Variants in TENM2 observed in about 807,000 individuals in gnomAD.
TENM2 encodes the protein teneurin-2.
A neutral mutation model predicts 245.2 loss-of-function variants in TENM2; 52 were observed. The observed-to-expected ratio is 0.21, with a 90% CI of 0.17 to 0.27. The LOEUF (loss-of-function observed/expected upper bound fraction) is 0.27. Among genes scored for constraint, TENM2 ranks in the 10% least tolerant of loss-of-function variants. The pLI is 1.00. For synonymous variants in TENM2, 1,363 were observed against 1,438.9 expected (o/e 0.95, Z 1.19); for missense variants, 3,046 against 3,666.8 (o/e 0.83, Z 4.37).
At chr5:167,785,830 T>A (rs769286995) in intron 2 of TENM2, among the ~76,000 whole-genome samples, 5 of 152,202 alleles carry the variant, frequency 3.3e-5, no homozygotes, top group Admixed American at 6.5e-5. Flanking sequence ...ACAAGTACCA[T>A]GTAGGTTGGT....
chr5:168,095,540 G>A (rs890209564), intron 8 of TENM2, among the ~76,000 whole-genome samples: 2 of 152,058 alleles, frequency 1.3e-5, no homozygotes, highest in African/African-American at 2.4e-5. Flanking sequence ...ATCTTATTCT[G>A]TTCAAAGCAC....
chr5:167,279,807 T>G (rs1286092636), upstream of TENM2, among the ~76,000 whole-genome samples: 1 of 152,162 alleles, frequency 6.6e-6, no homozygotes, highest in East Asian at 1.9e-4. Context: ...TCCATTTGTT[T>G]CAAGTGTGCC....
At chr5:167,689,863 C>A (rs773464777) in intron 2 of TENM2, among the ~76,000 whole-genome samples, 1 of 152,070 alleles carries the variant, frequency 6.6e-6, no homozygotes, top group Non-Finnish European at 1.5e-5. Context: ...TGGGTTCAAG[C>A]GATTCTCCTG....
At chr5:167,025,358 A>C in the TENM2 span, among the ~76,000 whole-genome samples, 1 of 152,206 alleles carries the variant, frequency 6.6e-6, no homozygotes, top group Non-Finnish European at 1.5e-5. Flanking sequence ...TATTTGATAT[A>C]CATTTGGAGT....
At chr5:168,199,836 G>T (rs757279829) in intron 16 of TENM2, 28 bp from the exon 19 acceptor site, 8 of 1,606,526 alleles carry the variant, frequency 5.0e-6, no homozygotes, top group Non-Finnish European at 6.8e-6. Flanking sequence ...TGTTTTAGGT[G>T]TGTGTCTGCC....
the TENM2 span, among the ~76,000 whole-genome samples, chr5:167,062,449 G>A: frequency 6.6e-6 from 1 of 151,418 alleles, no homozygotes; most frequent in South Asian, 2.1e-4. Flanking sequence ...AAAGAACTCA[G>A]GTTGGATTTT....
chr5:168,159,694 G>A lies in TENM2; in HGVS notation c.2423-2917G>A, dbSNP rs113150262. 1.3e-4 allele frequency among the ~76,000 whole-genome samples: 20 copies of A among 152,258 alleles called. 1 individual carries two copies. Among genetic ancestry groups the A allele is most frequent in the African/African-American group, 2.2e-4 (9 of 41,554 alleles). On this transcript the variant is annotated intron_variant, in intron 12 of 28. Transcript: ENST00000518659. The stretch of plus-strand genomic sequence containing the variant: ...TCAAGCTAAAAGCAAAGTCCTGTCC[G>A]TTAATTACCAGCTGCCCTGAAACTT...
At chr5:167,166,090 C>T in the TENM2 span, among the ~76,000 whole-genome samples, 5 of 152,094 alleles carry the variant, frequency 3.3e-5, no homozygotes, top group Admixed American at 3.3e-4. Flanking sequence ...ATAGGGAAAG[C>T]TTTTGTGAAT....
intron 5 of TENM2, among the ~76,000 whole-genome samples, chr5:168,016,735 A>T (rs182642067): frequency 1.3e-5 from 2 of 152,340 alleles, no homozygotes; most frequent in Admixed American, 1.3e-4. Flanking sequence ...CTGAAATCGG[A>T]TAGAATGGCG....
chr5:168,091,970 A>G (rs1009900003), intron 8 of TENM2, among the ~76,000 whole-genome samples: 4 of 152,186 alleles, frequency 2.6e-5, no homozygotes, highest in Admixed American at 2.6e-4. Flanking sequence ...TATCATGACA[A>G]ATAAAACGTG....
At chr5:167,330,264 A>C (rs537247711) in intron 1 of TENM2, among the ~76,000 whole-genome samples, 1 of 152,270 alleles carries the variant, frequency 6.6e-6, no homozygotes, top group South Asian at 2.1e-4. Context: ...AAATCCTCAT[A>C]GTAACACTAT....
chr5:167,075,995 C>T, the TENM2 span, among the ~76,000 whole-genome samples: 1 of 152,168 alleles, frequency 6.6e-6, no homozygotes, highest in African/African-American at 2.4e-5. Context: ...AGTTCCCAGA[C>T]CAGCCCTGGC....
intron 2 of TENM2, among the ~76,000 whole-genome samples, chr5:167,828,141 T>C (rs1354465484): frequency 6.6e-6 from 1 of 152,212 alleles, no homozygotes; most frequent in Non-Finnish European, 1.5e-5. Flanking sequence ...CCTTACAGAT[T>C]AGATCCCATT....
intron 9 of TENM2, among the ~76,000 whole-genome samples, chr5:168,109,150 A>G (rs1794479371): frequency 6.6e-6 from 1 of 152,210 alleles, no homozygotes; most frequent in Non-Finnish European, 1.5e-5. Context: ...CTGGATGGCC[A>G]GATCCCACCT....
the TENM2 span, among the ~76,000 whole-genome samples, chr5:167,216,547 G>A: frequency 3.9e-5 from 6 of 152,124 alleles, no homozygotes; most frequent in Admixed American, 1.3e-4. Flanking sequence ...CTAGGTTTCC[G>A]TAGACATCTA....
intron 5 of TENM2, among the ~76,000 whole-genome samples, chr5:168,025,979 A>C (rs1786588647): frequency 6.6e-6 from 1 of 152,152 alleles, no homozygotes; most frequent in African/African-American, 2.4e-5. Context: ...CTCACTTGCG[A>C]TGGGGAACTG....
chr5:167,159,895 A>G, the TENM2 span, among the ~76,000 whole-genome samples: 240 of 152,048 alleles, frequency 1.6e-3, no homozygotes, highest in Non-Finnish European at 2.5e-3. Context: ...TCTTTCTGCA[A>G]TTATTTACAG....
chr5:167,009,152 T>C, the TENM2 span, among the ~76,000 whole-genome samples: 1 of 108,922 alleles, frequency 9.2e-6, no homozygotes, highest in Non-Finnish European at 2.2e-5. Context: ...AAGGCTTGAA[T>C]TATGTGTCAT....
chr5:167,858,718 C>G (rs1022326424), intron 2 of TENM2, among the ~76,000 whole-genome samples: 1 of 150,900 alleles, frequency 6.6e-6, no homozygotes, highest in African/African-American at 2.4e-5. Context: ...GAGCCGCTGC[C>G]GCGACCGACC....
Sources: allele counts gnomAD v4.1 joint callset (sites outside exome capture counted in the v4.1 genomes callset), GRCh38; gene constraint gnomAD v4.1.1; transcripts MANE v1.5; gene names NCBI Gene and HGNC (gene_info 2026-07-23, HGNC 2026-07-21).